NCKAP5: variants seen among roughly 807,000 people sequenced by gnomAD.
The protein encoded by NCKAP5 is nck-associated protein 5.
NCKAP5 carries 92 observed loss-of-function variants against 167.0 expected under a neutral mutation model. That is an observed-to-expected ratio of 0.55 (90% CI 0.47 to 0.66). The LOEUF is 0.66. Ranked by LOEUF, NCKAP5 falls within the 30% of genes least tolerant of loss-of-function variation. The pLI is 0.00. For synonymous variants in NCKAP5, 891 were observed against 877.4 expected (o/e 1.02, Z -0.27); for missense variants, 2,378 against 2,315.0 (o/e 1.03, Z -0.56).
intron 6 of NCKAP5, among the ~76,000 whole-genome samples, chr2:133,054,830 A>G (rs2079738562): frequency 6.6e-6 from 1 of 152,184 alleles, no homozygotes; most frequent in Non-Finnish European, 1.5e-5. Context: ...GTTCAGGAAA[A>G]TCACGAGTCA....
At chr2:133,282,022 C>G (rs1008663255) in intron 4 of NCKAP5, among the ~76,000 whole-genome samples, 1 of 152,120 alleles carries the variant, frequency 6.6e-6, no homozygotes. Context: ...AATTCTATCA[C>G]GTGCCTATAA....
intron 3 of NCKAP5, among the ~76,000 whole-genome samples, chr2:133,419,446 G>A (rs940353956): frequency 6.6e-6 from 1 of 152,062 alleles, no homozygotes; most frequent in Non-Finnish European, 1.5e-5. Context: ...TTTTAAATTT[G>A]TTATCTTGAA....
intron 3 of NCKAP5, chr2:133,433,409 T>C (rs1442933410): frequency 1.3e-5 from 2 of 152,144 alleles, no homozygotes; most frequent in Non-Finnish European, 2.9e-5. Flanking sequence ...AAACTGGAGT[T>C]TAGGTGATAC....
chr2:132,836,129 C>T (rs996802819), intron 11 of NCKAP5, among the ~76,000 whole-genome samples: 1 of 152,166 alleles, frequency 6.6e-6, no homozygotes, highest in Non-Finnish European at 1.5e-5. Context: ...CAATTTTCTG[C>T]TGCTCAAAAA....
intron 8 of NCKAP5, among the ~76,000 whole-genome samples, chr2:132,931,774 AT>A (rs1280062356): frequency 1.3e-5 from 2 of 152,210 alleles, no homozygotes; most frequent in African/African-American, 2.4e-5. Context: ...GGTAATTATA[AT>A]AGTGATTTTT....
the NCKAP5 span, among the ~76,000 whole-genome samples, chr2:133,588,416 A>T: frequency 6.2e-4 from 15 of 24,258 alleles, no homozygotes; most frequent in African/African-American, 9.4e-4. Flanking sequence ...CCTCCCTCCC[A>T]CCCTTCCTTC....
At chr2:132,702,588 G>A (rs1687989383) in intron 19 of NCKAP5, among the ~76,000 whole-genome samples, 1 of 152,084 alleles carries the variant, frequency 6.6e-6, no homozygotes, top group Admixed American at 6.6e-5. Context: ...CAGCCCCCAA[G>A]GCTCACACAA....
intron 11 of NCKAP5, among the ~76,000 whole-genome samples, chr2:132,842,000 A>T (rs1688327551): frequency 6.6e-6 from 1 of 152,140 alleles, no homozygotes; most frequent in South Asian, 2.1e-4. Flanking sequence ...TTGGTATTAA[A>T]GTTATGCTGG....
At chr2:133,262,316 C>A (rs2088948715) in intron 4 of NCKAP5, among the ~76,000 whole-genome samples, 1 of 152,036 alleles carries the variant, frequency 6.6e-6, no homozygotes. Context: ...TCTGAGTTCC[C>A]AAATCTCCGG....
rs569340092 is a variant in NCKAP5 at position 132,698,759 on chromosome 2, G to A, written c.5714-25454C>T. 5.9e-5 allele frequency among the ~76,000 whole-genome samples: 9 copies of A among 152,158 alleles called. No individual in the cohort carries two copies. The South Asian group carries it at 6.2e-4, about 11-fold the overall frequency. ...TGAGGCAGGAGAATCACTTGAACCC[G>A]GGAGGCAAGGGTTGCAGTGAGCCAA... On this transcript the variant is annotated intron_variant, in intron 19 of 19. Transcript: ENST00000409261.
chr2:132,901,939 T>C (rs1693660878), intron 8 of NCKAP5, among the ~76,000 whole-genome samples: 2 of 152,236 alleles, frequency 1.3e-5, no homozygotes, highest in African/African-American at 2.4e-5. Context: ...AAACTTCTAG[T>C]TGACATGCAT....
chr2:133,220,765 G>A (rs1236100301), intron 4 of NCKAP5, among the ~76,000 whole-genome samples: 14 of 152,300 alleles, frequency 9.2e-5, no homozygotes, highest in African/African-American at 2.9e-4. Flanking sequence ...ACCTCAGGCT[G>A]CAGGGTGCTA....
chr2:133,391,767 A>G (rs1345731298), intron 3 of NCKAP5, among the ~76,000 whole-genome samples: 1 of 152,136 alleles, frequency 6.6e-6, no homozygotes, highest in East Asian at 1.9e-4. Flanking sequence ...CTTCACCAGA[A>G]TTACCAGGGT....
the NCKAP5 span, among the ~76,000 whole-genome samples, chr2:133,626,874 T>A: frequency 2.0e-5 from 3 of 151,968 alleles, no homozygotes; most frequent in Admixed American, 6.6e-5. Context: ...AATACATATA[T>A]TCAATAAAGT....
intron 5 of NCKAP5, among the ~76,000 whole-genome samples, chr2:133,134,774 A>G (rs1030138455): frequency 2.0e-5 from 3 of 152,212 alleles, no homozygotes; most frequent in African/African-American, 7.2e-5. Context: ...TGGGTAATCT[A>G]TGTTTCTGAC....
chr2:133,466,190 G>A (rs763547149), intron 3 of NCKAP5, among the ~76,000 whole-genome samples: 4,652 of 145,938 alleles, frequency 0.032, 91 homozygotes, highest in Admixed American at 0.074. Flanking sequence ...TTTTGTATAA[G>A]GTGTAAGGAA....
chr2:133,668,400 C>T, the NCKAP5 span, among the ~76,000 whole-genome samples: 1 of 152,026 alleles, frequency 6.6e-6, no homozygotes, highest in Non-Finnish European at 1.5e-5. Flanking sequence ...TTTTACATTC[C>T]CGCCAGCAAT....
chr2:133,237,831 G>A (rs1283438357), intron 4 of NCKAP5, among the ~76,000 whole-genome samples: 1 of 152,210 alleles, frequency 6.6e-6, no homozygotes, highest in Non-Finnish European at 1.5e-5. Context: ...CAATTCTCTG[G>A]AGGTAGGAGG....
intron 3 of NCKAP5, among the ~76,000 whole-genome samples, chr2:133,490,736 G>A (rs952065860): frequency 6.6e-6 from 1 of 152,212 alleles, no homozygotes; most frequent in African/African-American, 2.4e-5. Context: ...TATTTTCATA[G>A]TGCTGGACAG....
Sources: gnomAD v4.1 joint callset for allele counts (sites outside exome capture counted in the v4.1 genomes callset) on GRCh38, gnomAD v4.1.1 for gene constraint, MANE v1.5 for transcripts, NCBI Gene and HGNC (gene_info 2026-07-23, HGNC 2026-07-21) for gene names.